ZBTB42: variants seen among roughly 807,000 people sequenced by gnomAD.
The protein encoded by ZBTB42 is zinc finger and BTB domain containing 42, also known as zinc finger and BTB domain-containing protein 42.
Under a neutral mutation model 4.7 loss-of-function variants are expected in ZBTB42, and 3 were observed. The ratio of observed to expected loss-of-function variants is 0.64; its 90% CI spans 0.29 to 1.66. The LOEUF (loss-of-function observed/expected upper bound fraction) is 1.66. Among genes scored for constraint, ZBTB42 ranks in the 40% most tolerant of loss-of-function variants. The pLI is 0.10. For synonymous variants in ZBTB42, 255 were observed against 259.5 expected (o/e 0.98, Z 0.17); for missense variants, 521 against 577.1 (o/e 0.90, Z 1.00).
Position 104,804,272 on chromosome 14 carries a change from G to A in ZBTB42, c.*1806G>A, listed in dbSNP as rs544591017. 5.0e-4 allele frequency: 83 copies of A among 166,928 alleles called. No individual in the cohort carries two copies. The highest frequency in any genetic ancestry group is 2.1e-3 in the East Asian group (11 of 5,184). The allele number at this position is 166,928 out of a possible 1,614,324, so 10.3% of individuals were successfully genotyped here. On this transcript the variant is annotated 3_prime_UTR_variant, in exon 1 of 1. Coordinates refer to ENST00000342537, the MANE Select transcript of ZBTB42 (RefSeq NM_001137601.3). Reference sequence around the variant, plus strand: ...CACCCAAGCACGGAGATGTGGCCGCGGCACTGGGTCCCCCAGTGGGTCCCA... The same window carrying A: ...CACCCAAGCACGGAGATGTGGCCGCAGCACTGGGTCCCCCAGTGGGTCCCA...
chr14:104,802,219 A>G lies in ZBTB42; in HGVS notation c.1022A>G (p.Lys341Arg). The G allele has an allele frequency of 6.5e-7, 1 of 1,550,146 alleles. No individual in the cohort carries two copies. The highest frequency in any genetic ancestry group is 1.2e-5 in the South Asian group (1 of 84,066). Residue 341 changes from lysine (K) to arginine (R), a missense_variant, in exon 1 of 1, where the codon AAG (lysine) becomes AGG (arginine). Coordinates refer to ENST00000342537, the MANE Select transcript of ZBTB42 (RefSeq NM_001137601.3). This position sits in a 1 kb window ranked among gnomAD's most constrained non-coding sequence, Gnocchi z 5.9. ...GCACCCACCTGCCCGCTCTGTGGGA[A>G]GACCTTCTCGTGCACATACACACTG... Reference protein sequence around the residue: ...GVAPTCPLCGKTFSCTYTLKR... With the variant: ...GVAPTCPLCGRTFSCTYTLKR...
Position 104,802,610 on chromosome 14 carries a change from G to T in ZBTB42, c.*144G>T. ...CCACCCTCCTGGCAGAGAGAATGCT[G>T]CCTCTTCCTGGAACTTGGCCTCAGA... On this transcript the variant is annotated 3_prime_UTR_variant, in exon 1 of 1. Transcript: ENST00000342537. The surrounding 1 kb of genome is among the most constrained non-coding windows in gnomAD (Gnocchi z 5.9). 1 of 1,252,826 alleles carries T rather than the reference G, an allele frequency of 8.0e-7. No individual in the cohort carries two copies. The highest frequency in any genetic ancestry group is 2.6e-5 in the East Asian group (1 of 39,006). 77.6% of individuals were successfully genotyped at this position (1,252,826 alleles called of 1,614,324 possible).
At position 104,802,033 on chromosome 14, in the gene ZBTB42, G is replaced by A; in HGVS notation, c.836G>A (p.Gly279Glu). The change falls in exon 1 of 1, where the codon GGG becomes GAG. Residue 279 changes from glycine (G) to glutamate (E), a missense_variant. By Grantham distance (98) the Gly-to-Glu change is moderately conservative. Transcript: ENST00000342537. This position sits in a 1 kb window ranked among gnomAD's most constrained non-coding sequence, Gnocchi z 5.9. ...AGCCGGGAGCTGGAGCTTGGTGCAG[G>A]GCGACTGGCGAGTGAGGACGAGCTG... ...EGSRELELGA[G>E]RLASEDELGP... 6.7e-7 allele frequency: 1 copy of A among 1,495,270 alleles called. No individual in the cohort carries two copies. Among genetic ancestry groups the A allele is most frequent in the Non-Finnish European group, 8.9e-7 (1 of 1,122,512 alleles). 92.6% of individuals were successfully genotyped at this position (1,495,270 alleles called of 1,614,324 possible).
chr14:104,802,071 C>A lies in ZBTB42; in HGVS notation c.874C>A (p.Pro292Thr). ...ASEDELGPGG[P>T]LCICPLCSKL... The stretch of plus-strand genomic sequence containing the variant: ...TGAGGACGAGCTGGGGCCTGGTGGG[C>A]CCCTCTGCATCTGCCCGTTGTGCAG... The change falls in exon 1 of 1, where the codon CCC (proline) becomes ACC (threonine). Residue 292 changes from proline to threonine, a missense_variant. By Grantham distance (38) the Pro-to-Thr change is conservative. Transcript: ENST00000342537. This position sits in a 1 kb window ranked among gnomAD's most constrained non-coding sequence, Gnocchi z 5.9. The A allele has an allele frequency of 1.3e-6, 2 of 1,504,376 alleles. No homozygotes were observed. The highest frequency in any genetic ancestry group is 1.8e-6 in the Non-Finnish European group (2 of 1,126,334). The allele number at this position is 1,504,376 out of a possible 1,614,324, so 93.2% of individuals were successfully genotyped here.
At position 104,801,430 on chromosome 14, in the gene ZBTB42, G is replaced by T; in HGVS notation, c.233G>T (p.Arg78Leu). 1 of 1,549,238 alleles carries T rather than the reference G, an allele frequency of 6.5e-7. No homozygotes were observed. Among genetic ancestry groups the T allele is most frequent in the Admixed American group, 2.0e-5 (1 of 50,920 alleles). Residue 78 changes from arginine to leucine, a missense_variant, in exon 1 of 1, where the codon CGC (arginine) becomes CTC (leucine). Coordinates refer to ENST00000342537, the MANE Select transcript of ZBTB42 (RefSeq NM_001137601.3). The surrounding 1 kb of genome is among the most constrained non-coding windows in gnomAD (Gnocchi z 4.4). ...ATCGTCACGGCGCCCGCCTTCGGCCGCCTACTGGACTTCATGTACGAGGGC... is the reference window on the plus strand; with the variant it reads ...ATCGTCACGGCGCCCGCCTTCGGCCTCCTACTGGACTTCATGTACGAGGGC... ...GDIVTAPAFG[R>L]LLDFMYEGRL... is the part of the protein sequence containing the mutation.
rs1894078167 is a variant in ZBTB42 at position 104,802,752 on chromosome 14, T to C, written c.*286T>C. The C allele has an allele frequency of 2.0e-6, 1 of 501,104 alleles. No individual in the cohort carries two copies. The highest frequency in any genetic ancestry group is 3.7e-6 in the Non-Finnish European group (1 of 271,810). The allele number at this position is 501,104 out of a possible 1,614,324, so 31.0% of individuals were successfully genotyped here. A position where few individuals can be genotyped will look rare whatever the true frequency, so the allele number is the denominator to read the frequency against. On this transcript the variant is annotated 3_prime_UTR_variant, in exon 1 of 1. Transcript: ENST00000342537. The surrounding 1 kb of genome is among the most constrained non-coding windows in gnomAD (Gnocchi z 5.9). ...GCTGTGACACTATCTTCCTCTCCCGTCCCCTCCAGCCAAGTTCTGAGGGGT... is the reference window on the plus strand; with the variant it reads ...GCTGTGACACTATCTTCCTCTCCCGCCCCCTCCAGCCAAGTTCTGAGGGGT...
In ZBTB42 at chr14:104,804,630, A is replaced by G. The variant is rs1473457193; in HGVS notation, c.*2164A>G. 1 of 166,820 alleles carries G rather than the reference A, an allele frequency of 6.0e-6. No homozygotes were observed. The highest frequency in any genetic ancestry group is 1.9e-4 in the East Asian group (1 of 5,198). 10.3% of individuals were successfully genotyped at this position (166,820 alleles called of 1,614,324 possible). A position where few individuals can be genotyped will look rare whatever the true frequency, so the allele number is the denominator to read the frequency against. ...CCCCAGCAGACAGTTGTTGGTGCAC[A>G]GTGTCTAGGAGGCGTGGGAATGGGT... On this transcript the variant is annotated 3_prime_UTR_variant, in exon 1 of 1. Coordinates refer to ENST00000342537, the MANE Select transcript of ZBTB42 (RefSeq NM_001137601.3).
Position 104,802,058 on chromosome 14 carries a change from G to A in ZBTB42, c.861G>A (p.Leu287=), listed in dbSNP as rs1423370388. Residue 287 remains leucine, a synonymous_variant, in exon 1 of 1, where the codon CTG becomes CTA. Coordinates refer to ENST00000342537, the MANE Select transcript of ZBTB42 (RefSeq NM_001137601.3). This position sits in a 1 kb window ranked among gnomAD's most constrained non-coding sequence, Gnocchi z 5.9. ...GAGRLASEDE[L]GPGGPLCICP... is the part of the protein sequence containing the mutation. Reference sequence around the variant, plus strand: ...GGCGACTGGCGAGTGAGGACGAGCTGGGGCCTGGTGGGCCCCTCTGCATCT... The same window carrying A: ...GGCGACTGGCGAGTGAGGACGAGCTAGGGCCTGGTGGGCCCCTCTGCATCT... 2.7e-6 allele frequency: 4 copies of A among 1,499,464 alleles called. No homozygotes were observed. In the South Asian group the frequency reaches 5.1e-5, roughly 19 times the overall value. 92.9% of individuals were successfully genotyped at this position (1,499,464 alleles called of 1,614,324 possible). A position where few individuals can be genotyped will look rare whatever the true frequency, so the allele number is the denominator to read the frequency against.
chr14:104,802,364 G>T lies in ZBTB42; in HGVS notation c.1167G>T (p.Pro389=). ...RHTVVHTREK[P]HACRWCERRF... ...CCGTAGTGCACACTCGAGAGAAGCC[G>T]CATGCCTGCCGGTGGTGTGAGCGCC... Residue 389 remains proline, a synonymous_variant, in exon 1 of 1, where the codon CCG becomes CCT. Coordinates refer to ENST00000342537, the MANE Select transcript of ZBTB42 (RefSeq NM_001137601.3). The surrounding 1 kb of genome is among the most constrained non-coding windows in gnomAD (Gnocchi z 5.9). The T allele has an allele frequency of 6.4e-7, 1 of 1,550,496 alleles. No homozygotes were observed.
chr14:104,801,329 G>C lies in ZBTB42; in HGVS notation c.132G>C (p.Ala44=). ...RFPAHRAVLA[A]CSVYFHLFYR... Reference sequence around the variant, plus strand: ...CGGCCCACCGTGCCGTGCTGGCCGCGTGCAGCGTCTACTTCCATCTCTTCT... The same window carrying C: ...CGGCCCACCGTGCCGTGCTGGCCGCCTGCAGCGTCTACTTCCATCTCTTCT... Residue 44 remains alanine, a synonymous_variant, in exon 1 of 1, where the codon GCG becomes GCC. Coordinates refer to ENST00000342537, the MANE Select transcript of ZBTB42 (RefSeq NM_001137601.3). The surrounding 1 kb of genome is among the most constrained non-coding windows in gnomAD (Gnocchi z 4.4). 1 of 1,547,966 alleles carries C rather than the reference G, an allele frequency of 6.5e-7. No individual in the cohort carries two copies. Among genetic ancestry groups the C allele is most frequent in the Non-Finnish European group, 8.7e-7 (1 of 1,146,222 alleles).
At chr14:104,801,029 G>C (rs892764322), upstream of ZBTB42, 4 of 843,164 alleles carry the variant, frequency 4.7e-6, no homozygotes, top group South Asian at 2.7e-5. The surrounding 1 kb of genome is among the most constrained non-coding windows in gnomAD (Gnocchi z 4.4). Flanking sequence ...TTTCGATCGA[G>C]TTTTTCCTGC....
Position 104,801,759 on chromosome 14 carries a change from C to T in ZBTB42, c.562C>T (p.Leu188=). Residue 188 remains leucine, a synonymous_variant, in exon 1 of 1, where the codon CTG becomes TTG. Coordinates refer to ENST00000342537, the MANE Select transcript of ZBTB42 (RefSeq NM_001137601.3). The surrounding 1 kb of genome is among the most constrained non-coding windows in gnomAD (Gnocchi z 4.4). ...CQVPEESDQA[L]DLSLKSGPRQ... ...GGTCCCAGAAGAGTCAGACCAGGCC[C>T]TGGACCTGTCGTTGAAGTCTGGCCC... The T allele has an allele frequency of 6.5e-7, 1 of 1,549,672 alleles. No individual in the cohort carries two copies. The highest frequency in any genetic ancestry group is 8.7e-7 in the Non-Finnish European group (1 of 1,146,600).
chr14:104,802,308 T>G lies in ZBTB42; in HGVS notation c.1111T>G (p.Phe371Val). Residue 371 changes from phenylalanine (F) to valine (V), a missense_variant, in exon 1 of 1, where the codon TTT becomes GTT. Coordinates refer to ENST00000342537, the MANE Select transcript of ZBTB42 (RefSeq NM_001137601.3). This position sits in a 1 kb window ranked among gnomAD's most constrained non-coding sequence, Gnocchi z 5.9. Reference sequence around the variant, plus strand: ...TACGTGTGTGCAGTGTGGCAAAAGTTTTCAGTACTCCCACAACCTGAGCCG... The same window carrying G: ...TACGTGTGTGCAGTGTGGCAAAAGTGTTCAGTACTCCCACAACCTGAGCCG... The part of the protein sequence containing the change: ...PYTCVQCGKS[F>V]QYSHNLSRHT... 6.5e-7 allele frequency: 1 copy of G among 1,550,358 alleles called. No individual in the cohort carries two copies. Among genetic ancestry groups the G allele is most frequent in the Non-Finnish European group, 8.7e-7 (1 of 1,146,940 alleles).
rs889718881 is a variant in ZBTB42 at position 104,802,540 on chromosome 14, T to A, written c.*74T>A. ...CTCCCAGGTGGGACACAGCATGGGG[T>A]GTGAAGCCTGACCAGGTGGAGGTCC... is the stretch of plus-strand genomic sequence containing the variant. On this transcript the variant is annotated 3_prime_UTR_variant, in exon 1 of 1. Coordinates refer to ENST00000342537, the MANE Select transcript of ZBTB42 (RefSeq NM_001137601.3). This position sits in a 1 kb window ranked among gnomAD's most constrained non-coding sequence, Gnocchi z 5.9. The A allele has an allele frequency of 2.0e-6, 3 of 1,490,774 alleles. No homozygotes were observed. In the East Asian group the frequency reaches 7.4e-5, roughly 37 times the overall value. 92.3% of individuals were successfully genotyped at this position (1,490,774 alleles called of 1,614,324 possible).
rs1894032178 is a variant in ZBTB42 at position 104,801,140 on chromosome 14, G to C, written c.-58G>C. On this transcript the variant is annotated 5_prime_UTR_variant, in exon 1 of 1. Transcript: ENST00000342537. The surrounding 1 kb of genome is among the most constrained non-coding windows in gnomAD (Gnocchi z 4.4). ...TGCAGCCGGGAAGGGCGCTTCGTGG[G>C]CGCCTCCAGGCGCGCTGACGGGCGT... The C allele has an allele frequency of 7.3e-7, 1 of 1,377,352 alleles. No individual in the cohort carries two copies. Among genetic ancestry groups the C allele is most frequent in the Non-Finnish European group, 9.3e-7 (1 of 1,071,498 alleles). The allele number at this position is 1,377,352 out of a possible 1,614,324, so 85.3% of individuals were successfully genotyped here.
At position 104,802,205 on chromosome 14, in the gene ZBTB42, C is replaced by T; in HGVS notation, c.1008C>T (p.Cys336=). Residue 336 remains cysteine, a synonymous_variant, in exon 1 of 1, where the codon TGC becomes TGT. Coordinates refer to ENST00000342537, the MANE Select transcript of ZBTB42 (RefSeq NM_001137601.3). This position sits in a 1 kb window ranked among gnomAD's most constrained non-coding sequence, Gnocchi z 5.9. ...RLSPDGVAPT[C]PLCGKTFSCT... ...CACCCGACGGCGTGGCACCCACCTG[C>T]CCGCTCTGTGGGAAGACCTTCTCGT... 1 of 1,550,130 alleles carries T rather than the reference C, an allele frequency of 6.5e-7. No individual in the cohort carries two copies. Among genetic ancestry groups the T allele is most frequent in the Non-Finnish European group, 8.7e-7 (1 of 1,146,964 alleles).
Position 104,802,427 on chromosome 14 carries a change from C to A in ZBTB42, c.1230C>A (p.Arg410=), listed in dbSNP as rs1303731179. The A allele has an allele frequency of 6.4e-7, 1 of 1,551,190 alleles. No individual in the cohort carries two copies. The highest frequency in any genetic ancestry group is 1.4e-5 in the African/African-American group (1 of 73,090). ...TQSGDLYRHV[R]KFHCGLVKSL... ...CCGGGGACCTCTACCGCCACGTCCGCAAGTTTCACTGTGGCCTCGTCAAGT... is the reference window on the plus strand; with the variant it reads ...CCGGGGACCTCTACCGCCACGTCCGAAAGTTTCACTGTGGCCTCGTCAAGT... Residue 410 remains arginine (R), a synonymous_variant, in exon 1 of 1, where the codon CGC becomes CGA. Transcript: ENST00000342537. The surrounding 1 kb of genome is among the most constrained non-coding windows in gnomAD (Gnocchi z 5.9).
Position 104,802,029 on chromosome 14 carries a change from G to T in ZBTB42, c.832G>T (p.Ala278Ser), listed in dbSNP as rs1265967553. ...GEGSRELELG[A>S]GRLASEDELG... ...GGGCAGCCGGGAGCTGGAGCTTGGT[G>T]CAGGGCGACTGGCGAGTGAGGACGA... Residue 278 changes from alanine to serine, a missense_variant, in exon 1 of 1, where the codon GCA becomes TCA. By Grantham distance (99) the Ala-to-Ser change is moderately conservative (BLOSUM62 1). Coordinates refer to ENST00000342537, the MANE Select transcript of ZBTB42 (RefSeq NM_001137601.3). The surrounding 1 kb of genome is among the most constrained non-coding windows in gnomAD (Gnocchi z 5.9). 3.3e-6 allele frequency: 5 copies of T among 1,496,564 alleles called. No homozygotes were observed. In the South Asian group the frequency reaches 3.8e-5, roughly 11 times the overall value. 92.7% of individuals were successfully genotyped at this position (1,496,564 alleles called of 1,614,324 possible).
rs1894071000 is a variant in ZBTB42 at position 104,802,508 on chromosome 14, A to G, written c.*42A>G. The G allele has an allele frequency of 1.3e-6, 2 of 1,523,672 alleles. No homozygotes were observed. Among genetic ancestry groups the G allele is most frequent in the African/African-American group, 1.4e-5 (1 of 72,714 alleles). The allele number at this position is 1,523,672 out of a possible 1,614,324, so 94.4% of individuals were successfully genotyped here. A position where few individuals can be genotyped will look rare whatever the true frequency, so the allele number is the denominator to read the frequency against. On this transcript the variant is annotated 3_prime_UTR_variant, in exon 1 of 1. Transcript: ENST00000342537. The surrounding 1 kb of genome is among the most constrained non-coding windows in gnomAD (Gnocchi z 5.9). ...CTGAGGGTGGGGTGGAAGGGAAGGG[A>G]TGGGCCCTCCCAGGTGGGACACAGC... is the stretch of plus-strand genomic sequence containing the variant.
Sources: allele counts gnomAD v4.1 joint callset, GRCh38; gene constraint gnomAD v4.1.1; non-coding constraint Gnocchi (gnomAD v3.1); transcripts MANE v1.5; gene names NCBI Gene and HGNC (gene_info 2026-07-23, HGNC 2026-07-21).